Variants in DCDC1 observed in about 807,000 individuals in gnomAD.
DCDC1 encodes the protein doublecortin domain containing 1, also known as doublecortin domain-containing protein 1.
In DCDC1, 200 loss-of-function variants were observed where a neutral mutation model predicts 178.3. That is an observed-to-expected ratio of 1.12 (90% CI 1.00 to 1.26). DCDC1 has a LOEUF of 1.26. DCDC1 is among the 50% of genes most tolerant of loss of function. DCDC1 has a pLI of 0.00. For missense variants in DCDC1, 1,983 were observed against 1,749.2 expected (o/e 1.13, Z -2.38); for synonymous variants, 690 against 604.8 (o/e 1.14, Z -2.07).
intron 7 of DCDC1, among the ~76,000 whole-genome samples, chr11:31,283,372 T>C (rs2137305447): frequency 6.6e-6 from 1 of 152,182 alleles, no homozygotes; most frequent in Admixed American, 6.5e-5. Context: ...CAGGTTTTTT[T>C]TTTTGTTTTT....
At chr11:30,903,339 T>A (rs1214572909) in intron 32 of DCDC1, 143 bp downstream of exon 32, 1 of 775,022 alleles carries the variant, frequency 1.3e-6, no homozygotes, top group Non-Finnish European at 1.8e-6. Context: ...ACATGACAAT[T>A]TCATTGACAC....
chr11:31,133,017 C>T, intron 10 of DCDC1, among the ~76,000 whole-genome samples: 1 of 152,174 alleles, frequency 6.6e-6, no homozygotes, highest in East Asian at 1.9e-4. Context: ...TGCAAGCAAC[C>T]TTTGAATTCA....
At chr11:31,346,197 A>G (rs1261713364) in intron 1 of DCDC1, among the ~76,000 whole-genome samples, 1 of 152,140 alleles carries the variant, frequency 6.6e-6, no homozygotes, top group Non-Finnish European at 1.5e-5. Flanking sequence ...GAGAAAGGAA[A>G]AATGTTACAA....
chr11:31,155,965 A>G (rs1965681695), intron 9 of DCDC1: 2 of 152,036 alleles, frequency 1.3e-5, no homozygotes, highest in Admixed American at 1.3e-4. Context: ...TAAGATTAGA[A>G]CTCTTGATGA....
chr11:31,163,393 A>T (rs1209661454), intron 9 of DCDC1, among the ~76,000 whole-genome samples: 1 of 152,172 alleles, frequency 6.6e-6, no homozygotes, highest in East Asian at 1.9e-4. Flanking sequence ...TTGATGTCTT[A>T]TATCAAAAAA....
intron 1 of DCDC1, among the ~76,000 whole-genome samples, chr11:31,357,597 G>A (rs941051763): frequency 3.3e-5 from 5 of 152,044 alleles, no homozygotes; most frequent in Admixed American, 6.6e-5. Flanking sequence ...GGGCAATTAC[G>A]CAGGAGAAGG....
chr11:30,959,268 A>G (rs1948948078), intron 20 of DCDC1, among the ~76,000 whole-genome samples: 1 of 152,104 alleles, frequency 6.6e-6, no homozygotes, highest in African/African-American at 2.4e-5. Flanking sequence ...AGGGCATCTT[A>G]TTCTCCTATA....
intron 36 of DCDC1, chr11:30,882,090 C>T (rs1446520958): frequency 6.5e-6 from 1 of 153,358 alleles, no homozygotes; most frequent in African/African-American, 2.4e-5. Context: ...CCTGTTCCCC[C>T]AAAATGCAGG....
At chr11:31,098,461 T>C (rs1958293915) in intron 15 of DCDC1, among the ~76,000 whole-genome samples, 1 of 152,232 alleles carries the variant, frequency 6.6e-6, no homozygotes, top group Admixed American at 6.5e-5. Context: ...ATGGGGATTA[T>C]ATGTTCCAAA....
At chr11:31,349,605 A>ATCTAT (rs1204816933) in intron 1 of DCDC1, among the ~76,000 whole-genome samples, 1 of 152,210 alleles carries the variant, frequency 6.6e-6, no homozygotes, top group Non-Finnish European at 1.5e-5. Flanking sequence ...ATATTTAAAA[A>ATCTAT]TCTATTCTTG....
intron 17 of DCDC1, among the ~76,000 whole-genome samples, chr11:31,080,194 A>G (rs532874167): frequency 6.6e-6 from 1 of 152,298 alleles, no homozygotes; most frequent in South Asian, 2.1e-4. Flanking sequence ...TTATGATAAT[A>G]ATGATTATCC....
chr11:30,934,729 G>T (rs1947164044), intron 21 of DCDC1, among the ~76,000 whole-genome samples: 1 of 152,134 alleles, frequency 6.6e-6, no homozygotes, highest in African/African-American at 2.4e-5. Context: ...CATCCTAAGG[G>T]AAACGGAACC....
At chr11:30,968,706 TCAA>T (rs1321117930) in intron 20 of DCDC1, among the ~76,000 whole-genome samples, 23 of 67,730 alleles carry the variant, frequency 3.4e-4, no homozygotes, top group African/African-American at 1.3e-3. Flanking sequence ...TATATATATA[TCAA>T]ATTATATATA....
intron 38 of DCDC1, among the ~76,000 whole-genome samples, chr11:30,866,935 G>A (rs1941037074): frequency 6.6e-6 from 1 of 152,030 alleles, no homozygotes; most frequent in Admixed American, 6.6e-5. Context: ...GCTTTCTCTT[G>A]CCCTTCCACT....
chr11:31,313,777 C>A (rs1346286138), intron 3 of DCDC1, among the ~76,000 whole-genome samples: 1 of 152,060 alleles, frequency 6.6e-6, no homozygotes, highest in African/African-American at 2.4e-5. Flanking sequence ...ACCAGTTGTT[C>A]TAGAAAATGG....
chr11:31,325,641 A>G (rs1206453689), intron 3 of DCDC1, among the ~76,000 whole-genome samples: 1 of 152,106 alleles, frequency 6.6e-6, no homozygotes, highest in Non-Finnish European at 1.5e-5. Flanking sequence ...GTAAACTGAT[A>G]GCATCAGATA....
rs576436452 is a variant in DCDC1, at chr11:30,919,762, T to TA, written c.3293+1013dup. 5.9e-5 allele frequency among the ~76,000 whole-genome samples: 9 copies of TA among 152,338 alleles called. No homozygotes were observed. The South Asian group carries it at 1.9e-3, about 32-fold the overall frequency. On this transcript the variant is annotated intron_variant, in intron 25 of 38. Transcript: ENST00000684477. ...TATAATTGAGGATAGAAACAATTAA[T>TA]AACAATGATATATAAATTAGTTTCA...
chr11:30,976,864 C>A (rs1455463235), intron 20 of DCDC1, among the ~76,000 whole-genome samples: 4 of 152,028 alleles, frequency 2.6e-5, no homozygotes, highest in Non-Finnish European at 5.9e-5. Context: ...ATCAGTATAT[C>A]AAAAGGATAC....
rs1382130231 is a variant in DCDC1, at chr11:31,335,544, T to C, written c.-104A>G. ...TATTTGGCCATCTTGGAATGGAATC[T>C]GGAATTTTCTTATTTGCAATCTGGA... On this transcript the variant is annotated 5_prime_UTR_variant, in exon 2 of 39. Transcript: ENST00000684477. 1 of 152,274 alleles carries C rather than the reference T, an allele frequency of 6.6e-6. No individual in the cohort carries two copies. The highest frequency in any genetic ancestry group is 1.5e-5 in the Non-Finnish European group (1 of 68,072). The allele number at this position is 152,274 out of a possible 1,614,324, so 9.4% of individuals were successfully genotyped here.
Sources: gnomAD v4.1 joint callset for allele counts (sites outside exome capture counted in the v4.1 genomes callset) on GRCh38, gnomAD v4.1.1 for gene constraint, MANE v1.5 for transcripts, NCBI Gene and HGNC (gene_info 2026-07-23, HGNC 2026-07-21) for gene names.